Variants in ABCA13 observed in about 807,000 individuals in gnomAD.
ABCA13 encodes ATP binding cassette subfamily A member 13, also known as ATP-binding cassette sub-family A member 13.
In ABCA13, 476 loss-of-function variants were observed where a neutral mutation model predicts 478.7. The ratio of observed to expected loss-of-function variants is 0.99; its 90% CI spans 0.92 to 1.07. The LOEUF (loss-of-function observed/expected upper bound fraction) is 1.07. ABCA13 is among the 50% of genes least tolerant of loss of function. The pLI, the probability that ABCA13 is intolerant of heterozygous loss-of-function variation, is 0.00. For synonymous variants in ABCA13, 2,252 were observed against 2,158.9 expected (o/e 1.04, Z -1.20); for missense variants, 6,060 against 5,910.6 (o/e 1.03, Z -0.83).
chr7:48,336,968 G>C (rs535629855), intron 28 of ABCA13, among the ~76,000 whole-genome samples: 64 of 152,282 alleles, frequency 4.2e-4, no homozygotes, highest in African/African-American at 1.5e-3. Context: ...ACATAAAACA[G>C]TGCCTAACTC....
At chr7:48,258,557 G>A (rs1424884781) in intron 15 of ABCA13, among the ~76,000 whole-genome samples, 2 of 151,788 alleles carry the variant, frequency 1.3e-5, no homozygotes, top group Non-Finnish European at 2.9e-5. Flanking sequence ...TTGATCTTTT[G>A]TATGTTTTTT....
chr7:48,289,647 C>T (rs1798237864), intron 20 of ABCA13, among the ~76,000 whole-genome samples: 1 of 152,096 alleles, frequency 6.6e-6, no homozygotes, highest in Admixed American at 6.5e-5. Flanking sequence ...GCATGAGCCA[C>T]CTCGCCCGGC....
intron 41 of ABCA13, among the ~76,000 whole-genome samples, chr7:48,422,663 G>T (rs1032381684): frequency 2.6e-5 from 4 of 152,196 alleles, no homozygotes; most frequent in African/African-American, 9.7e-5. Flanking sequence ...AAGGTGTGTT[G>T]ATGGTGTGAT....
In ABCA13 at chr7:48,647,252, A is replaced by T. The variant is rs1795485646; in HGVS notation, c.*1740A>T. ...AAAAGATATTTTTTAAACGGTAAGGATTAAGACAATCACTGATAGCTTTGT... is the reference window on the plus strand; with the variant it reads ...AAAAGATATTTTTTAAACGGTAAGGTTTAAGACAATCACTGATAGCTTTGT... On this transcript the variant is annotated 3_prime_UTR_variant, in exon 62 of 62. Coordinates refer to ENST00000435803, the MANE Select transcript of ABCA13 (RefSeq NM_152701.5). 1 of 152,216 alleles carries T rather than the reference A, an allele frequency of 6.6e-6. No homozygotes were observed. The highest frequency in any genetic ancestry group is 1.5e-5 in the Non-Finnish European group (1 of 68,030). 9.4% of individuals were successfully genotyped at this position (152,216 alleles called of 1,614,324 possible). A position where few individuals can be genotyped will look rare whatever the true frequency, so the allele number is the denominator to read the frequency against.
intron 44 of ABCA13, among the ~76,000 whole-genome samples, chr7:48,468,256 G>A (rs1827105214): frequency 6.6e-6 from 1 of 152,130 alleles, no homozygotes; most frequent in African/African-American, 2.4e-5. Context: ...CCTTTTACAT[G>A]GGTTGCAGTA....
intron 15 of ABCA13, among the ~76,000 whole-genome samples, chr7:48,251,102 C>G (rs1160443890): frequency 6.6e-6 from 1 of 152,184 alleles, no homozygotes; most frequent in Non-Finnish European, 1.5e-5. Flanking sequence ...CTACAGATTA[C>G]ACTATAAAAC....
At chr7:48,489,445 A>G in intron 48 of ABCA13, 101 bp downstream of exon 48, 1 of 1,037,796 alleles carries the variant, frequency 9.6e-7, no homozygotes. Flanking sequence ...TGTGAGGGGC[A>G]ATGAGAAGGT....
chr7:48,563,224 C>G (rs1450774602), intron 55 of ABCA13, among the ~76,000 whole-genome samples: 1 of 152,082 alleles, frequency 6.6e-6, no homozygotes, highest in Non-Finnish European at 1.5e-5. Context: ...TGTGTACCTT[C>G]TATGTGTAGA....
intron 55 of ABCA13, among the ~76,000 whole-genome samples, chr7:48,530,441 T>C (rs1585716593): frequency 6.6e-6 from 1 of 152,290 alleles, no homozygotes; most frequent in East Asian, 1.9e-4. Flanking sequence ...CAAATTATGC[T>C]GCTATAAACG....
intron 29 of ABCA13, among the ~76,000 whole-genome samples, chr7:48,338,748 G>C (rs1806655385): frequency 6.6e-6 from 1 of 152,176 alleles, no homozygotes; most frequent in South Asian, 2.1e-4. Context: ...TACAAAACAA[G>C]TTTATAAAAG....
chr7:48,546,686 T>G (rs1918600), intron 55 of ABCA13, among the ~76,000 whole-genome samples: 1 of 151,382 alleles, frequency 6.6e-6, no homozygotes, highest in African/African-American at 2.4e-5. Flanking sequence ...TAAGTGACCG[T>G]ATCATAGAAT....
At chr7:48,262,867 C>T (rs756408754) in intron 15 of ABCA13, among the ~76,000 whole-genome samples, 3 of 151,918 alleles carry the variant, frequency 2.0e-5, no homozygotes, top group Non-Finnish European at 4.4e-5. Flanking sequence ...TTGATATAGT[C>T]TCCTCACAGA....
chr7:48,219,698 C>G (rs1317247600), intron 4 of ABCA13, among the ~76,000 whole-genome samples, 193 bp downstream of exon 4: 2 of 152,132 alleles, frequency 1.3e-5, no homozygotes, highest in Non-Finnish European at 2.9e-5. Context: ...CTCTCCTCAA[C>G]CCCCTCGGAA....
intron 45 of ABCA13, among the ~76,000 whole-genome samples, chr7:48,475,275 C>T (rs1827956177): frequency 1.3e-5 from 2 of 152,012 alleles, no homozygotes; most frequent in Admixed American, 1.3e-4. Flanking sequence ...GGGGTTGTCT[C>T]AAAGGAGACG....
chr7:48,637,381 CAAAAAAA>C (rs1156643955), intron 59 of ABCA13, among the ~76,000 whole-genome samples: 17 of 20,256 alleles, frequency 8.4e-4, no homozygotes, highest in South Asian at 2.1e-3. Context: ...GTTCATAAAG[CAAAAAAA>C]AAAAAAAAAA....
Position 48,279,505 on chromosome 7 carries a change from C to CT in ABCA13, c.8315dup (p.Leu2772PhefsTer15). ...GACATTTACTCAGCATCCAAATAAC[C>CT]TTTTGAAAACCATAGAAACAGTTTT... On this transcript the variant is annotated frameshift_variant, in exon 18 of 62. Transcript: ENST00000435803. LOFTEE classifies it high-confidence loss of function. 6.2e-7 allele frequency: 1 copy of CT among 1,613,034 alleles called. No individual in the cohort carries two copies. Among genetic ancestry groups the CT allele is most frequent in the East Asian group, 2.2e-5 (1 of 44,792 alleles).
At chr7:48,219,044 G>A (rs563655521) in intron 3 of ABCA13, among the ~76,000 whole-genome samples, 1 of 152,302 alleles carries the variant, frequency 6.6e-6, no homozygotes, top group East Asian at 1.9e-4. Context: ...TCCAGGCACC[G>A]TGTGCAGGGC....
chr7:48,461,861 G>T (rs1446863839), intron 43 of ABCA13, among the ~76,000 whole-genome samples: 1 of 152,114 alleles, frequency 6.6e-6, no homozygotes, highest in Non-Finnish European at 1.5e-5. Flanking sequence ...TCCATTTCAG[G>T]CCTCCTGGCT....
At position 48,241,994 on chromosome 7, in the gene ABCA13, A is replaced by G. The variant is rs1041436933; in HGVS notation, c.1262+928A>G. On this transcript the variant is annotated intron_variant, in intron 10 of 61. Coordinates refer to ENST00000435803, the MANE Select transcript of ABCA13 (RefSeq NM_152701.5). ...GGCCATAAAAGCTACAGGAGGATGG[A>G]TGCAGGGAGCCAGCAAGGATGCCTT... Among the ~76,000 whole-genome samples, 42 of 152,206 alleles carry G rather than the reference A, an allele frequency of 2.8e-4. 2 individuals are homozygous for G. Among genetic ancestry groups the G allele is most frequent in the African/African-American group, 9.6e-4 (40 of 41,458 alleles).
Sources: allele counts gnomAD v4.1 joint callset (sites outside exome capture counted in the v4.1 genomes callset), GRCh38; gene constraint gnomAD v4.1.1; transcripts MANE v1.5; gene names NCBI Gene and HGNC (gene_info 2026-07-23, HGNC 2026-07-21).